TBC1D5: variants seen among roughly 807,000 people sequenced by gnomAD.
TBC1D5 encodes the protein TBC1 domain family, member 5.
TBC1D5 carries 75 observed loss-of-function variants against 100.3 expected under a neutral mutation model. The ratio of observed to expected loss-of-function variants is 0.75; its 90% CI spans 0.62 to 0.91. The LOEUF (loss-of-function observed/expected upper bound fraction) is 0.91. Among genes scored for constraint, TBC1D5 ranks in the 40% least tolerant of loss-of-function variants. TBC1D5 has a pLI of 0.00. For synonymous variants in TBC1D5, 323 were observed against 325.6 expected (o/e 0.99, Z 0.09); for missense variants, 910 against 942.4 (o/e 0.97, Z 0.45).
intron 1 of TBC1D5, among the ~76,000 whole-genome samples, chr3:17,635,455 T>C (rs1284608964): frequency 6.6e-6 from 1 of 151,462 alleles, no homozygotes; most frequent in African/African-American, 2.4e-5. Flanking sequence ...CCGAGGCAGG[T>C]GGATCACGTG....
chr3:17,691,699 C>T (rs1316673296), intron 1 of TBC1D5, among the ~76,000 whole-genome samples: 2 of 152,038 alleles, frequency 1.3e-5, no homozygotes, highest in Non-Finnish European at 2.9e-5. Flanking sequence ...TGCCTGTAGT[C>T]CCAGCTATTC....
At chr3:17,197,986 G>A (rs891604131) in intron 18 of TBC1D5, among the ~76,000 whole-genome samples, 11 of 152,148 alleles carry the variant, frequency 7.2e-5, no homozygotes, top group African/African-American at 9.7e-5. Flanking sequence ...GCAGGGAGCC[G>A]AGATTGTGCC....
At chr3:17,515,100 G>A (rs964189390) in intron 2 of TBC1D5, among the ~76,000 whole-genome samples, 1 of 151,900 alleles carries the variant, frequency 6.6e-6, no homozygotes, top group East Asian at 1.9e-4. Flanking sequence ...ATAATTTGGC[G>A]AATTATATTA....
intron 15 of TBC1D5, among the ~76,000 whole-genome samples, chr3:17,268,360 C>T (rs534111806): frequency 1.3e-5 from 2 of 151,830 alleles, no homozygotes; most frequent in Admixed American, 6.6e-5. Flanking sequence ...TTTTTTATGC[C>T]ACAGAATCCT....
chr3:17,372,779 G>A (rs1224509558), intron 12 of TBC1D5, among the ~76,000 whole-genome samples: 1 of 152,044 alleles, frequency 6.6e-6, no homozygotes, highest in Non-Finnish European at 1.5e-5. Context: ...AAGAACAAAA[G>A]GTTATTATTC....
chr3:17,205,553 C>G (rs1300238355), intron 18 of TBC1D5, among the ~76,000 whole-genome samples: 2 of 152,130 alleles, frequency 1.3e-5, no homozygotes, highest in Admixed American at 1.3e-4. Flanking sequence ...TTAAATAAAC[C>G]ATTTTGGCAA....
intron 1 of TBC1D5, among the ~76,000 whole-genome samples, chr3:17,731,859 A>C (rs1264892427): frequency 6.6e-6 from 1 of 152,218 alleles, no homozygotes; most frequent in Non-Finnish European, 1.5e-5. Flanking sequence ...TTAATTAAAA[A>C]ACACACACTT....
intron 1 of TBC1D5, among the ~76,000 whole-genome samples, chr3:17,667,690 T>A (rs2067428871): frequency 6.6e-6 from 1 of 152,000 alleles, no homozygotes; most frequent in South Asian, 2.1e-4. Context: ...GGGCTCAAGC[T>A]ATCTACCCGC....
chr3:17,165,187 G>A (rs555499031), intron 21 of TBC1D5, among the ~76,000 whole-genome samples: 3 of 152,304 alleles, frequency 2.0e-5, no homozygotes, highest in African/African-American at 4.8e-5. Context: ...GGGGTCCACC[G>A]GGGCAGCAGT....
At chr3:17,378,345 T>G (rs2092792735) in intron 9 of TBC1D5, among the ~76,000 whole-genome samples, 1 of 151,780 alleles carries the variant, frequency 6.6e-6, no homozygotes, top group Non-Finnish European at 1.5e-5. Flanking sequence ...AAGAATTCCC[T>G]CAGTGAAGAA....
intron 2 of TBC1D5, among the ~76,000 whole-genome samples, chr3:17,558,291 A>G (rs2096535199): frequency 6.6e-6 from 1 of 152,320 alleles, no homozygotes; most frequent in Admixed American, 6.5e-5. Context: ...CTTTATGGAA[A>G]ACACAAATGT....
At chr3:17,475,583 A>G (rs1325793475) in intron 3 of TBC1D5, among the ~76,000 whole-genome samples, 1 of 152,040 alleles carries the variant, frequency 6.6e-6, no homozygotes. Context: ...AATCAAAAAT[A>G]TATCCGGTAT....
exon 1 of TBC1D5, chr3:17,739,988 G>A (rs912119316): frequency 2.0e-5 from 3 of 151,672 alleles, no homozygotes; most frequent in Admixed American, 6.6e-5. Flanking sequence ...CTGGACAAGA[G>A]CGAAACTCCT....
At chr3:17,519,418 C>T (rs144250345) in intron 2 of TBC1D5, among the ~76,000 whole-genome samples, 4 of 152,336 alleles carry the variant, frequency 2.6e-5, no homozygotes, top group East Asian at 1.9e-4. Flanking sequence ...TTACCTTCTT[C>T]GCCTTACCAA....
At chr3:17,267,999 T>C (rs2079013614) in intron 15 of TBC1D5, among the ~76,000 whole-genome samples, 1 of 152,100 alleles carries the variant, frequency 6.6e-6, no homozygotes, top group African/African-American at 2.4e-5. Flanking sequence ...AAGGAAGAAA[T>C]CACGATGCAA....
intron 8 of TBC1D5, among the ~76,000 whole-genome samples, chr3:17,390,827 C>A (rs1241422317): frequency 2.6e-5 from 4 of 152,160 alleles, no homozygotes; most frequent in Admixed American, 6.6e-5. Flanking sequence ...AACAGACATA[C>A]TGAAAGACAC....
chr3:17,229,023 G>A (rs1451437634), intron 17 of TBC1D5, among the ~76,000 whole-genome samples: 1 of 152,120 alleles, frequency 6.6e-6, no homozygotes, highest in Non-Finnish European at 1.5e-5. Flanking sequence ...AATAAGAAAA[G>A]GGGGTGGGCA....
chr3:17,581,717 C>G (rs2096698643), intron 2 of TBC1D5, among the ~76,000 whole-genome samples: 1 of 152,198 alleles, frequency 6.6e-6, no homozygotes, highest in Non-Finnish European at 1.5e-5. Context: ...AATCTATTCT[C>G]AAGCTGGCAG....
At chr3:17,648,721 T>C (rs2153711883) in intron 1 of TBC1D5, among the ~76,000 whole-genome samples, 1 of 152,190 alleles carries the variant, frequency 6.6e-6, no homozygotes, top group South Asian at 2.1e-4. Context: ...AACAAGCGTA[T>C]GAAAAAAGCT....
Sources: gnomAD v4.1 joint callset for allele counts (sites outside exome capture counted in the v4.1 genomes callset) on GRCh38, gnomAD v4.1.1 for gene constraint, MANE v1.5 for transcripts, NCBI Gene and HGNC (gene_info 2026-07-23, HGNC 2026-07-21) for gene names.